Variants in NKIRAS1 observed in about 807,000 individuals in gnomAD.
NKIRAS1 encodes the protein NFKB inhibitor interacting Ras like 1, also known as NF-kappa-B inhibitor-interacting Ras-like protein 1.
In NKIRAS1, 16 loss-of-function variants were observed where a neutral mutation model predicts 19.8. The observed-to-expected ratio is 0.81, with a 90% CI of 0.55 to 1.23. The LOEUF is 1.23. NKIRAS1 is among the 50% of genes most tolerant of loss of function. NKIRAS1 has a pLI of 0.00. For missense variants in NKIRAS1, 184 were observed against 220.0 expected (o/e 0.84, Z 1.04); for synonymous variants, 88 against 79.0 (o/e 1.11, Z -0.61).
intron 1 of NKIRAS1, chr3:23,923,329 TCCTG>T (rs1304883063): frequency 6.6e-6 from 1 of 151,922 alleles, no homozygotes; most frequent in East Asian, 1.9e-4. Flanking sequence ...CAAGCGATTC[TCCTG>T]CCTCAGCCTC....
chr3:23,911,247 A>T (rs1703679467), intron 2 of NKIRAS1, 82 bp downstream of exon 2: 1 of 202,660 alleles, frequency 4.9e-6, no homozygotes, highest in Admixed American at 5.4e-5. Flanking sequence ...TGAGGTCAAG[A>T]GTTCGGCACC....
rs941284785 is a variant in NKIRAS1, at chr3:23,927,682, C to T, written c.-139-16232G>A. Among the ~76,000 whole-genome samples, 7 of 152,158 alleles carry T rather than the reference C, an allele frequency of 4.6e-5. No individual in the cohort carries two copies. Among genetic ancestry groups the T allele is most frequent in the Non-Finnish European group, 8.8e-5 (6 of 68,038 alleles). ...GATGTAATTATCAGTCATCAAATCA[C>T]GAAACTTGTTTCTATGAGAGTGTAA... On this transcript the variant is annotated intron_variant, in intron 1 of 4. Coordinates refer to the NKIRAS1 transcript ENST00000421515. This position sits in a 1 kb window ranked among gnomAD's most constrained non-coding sequence, Gnocchi z 4.0.
intron 3 of NKIRAS1, among the ~76,000 whole-genome samples, chr3:23,908,004 A>C (rs1703240512): frequency 6.6e-6 from 1 of 152,242 alleles, no homozygotes; most frequent in African/African-American, 2.4e-5. Context: ...CATTTCAAGG[A>C]AAGTAACTAT....
At chr3:23,929,314 A>G (rs1559515436) in intron 1 of NKIRAS1, among the ~76,000 whole-genome samples, 1 of 152,134 alleles carries the variant, frequency 6.6e-6, no homozygotes, top group African/African-American at 2.4e-5. Flanking sequence ...CAGTGAGCCG[A>G]GATTACACCA....
intron 1 of NKIRAS1, among the ~76,000 whole-genome samples, chr3:23,928,127 C>T (rs889248378): frequency 1.5e-5 from 2 of 132,606 alleles, no homozygotes; most frequent in African/African-American, 2.8e-5. Context: ...CACACACACA[C>T]ATACACACAC....
intron 1 of NKIRAS1, chr3:23,945,462 G>A (rs1233734775): frequency 4.6e-5 from 23 of 501,270 alleles, no homozygotes; most frequent in South Asian, 1.7e-4. Flanking sequence ...CTGCCCATGA[G>A]GGGGCCCCGC....
upstream of NKIRAS1, chr3:23,919,909 G>C (rs2125257206): frequency 1.0e-6 from 1 of 991,636 alleles, no homozygotes; most frequent in Non-Finnish European, 1.2e-6. Context: ...TAGTTTGGCA[G>C]GTGTAGACTT....
intron 3 of NKIRAS1, among the ~76,000 whole-genome samples, chr3:23,909,126 T>A (rs150082760): frequency 1.6e-3 from 247 of 152,328 alleles, no homozygotes; most frequent in African/African-American, 5.5e-3. Context: ...ACTACTGACA[T>A]AGGTATTATA....
chr3:23,909,399 C>T (rs1221752354), intron 3 of NKIRAS1, among the ~76,000 whole-genome samples: 2 of 152,132 alleles, frequency 1.3e-5, no homozygotes, highest in African/African-American at 2.4e-5. Context: ...TGGTAGCACG[C>T]ACCCATAGTC....
chr3:23,892,415 A>G lies in NKIRAS1; in HGVS notation c.*680T>C, dbSNP rs1701535850. 6.6e-6 allele frequency: 1 copy of G among 152,214 alleles called. No homozygotes were observed. The highest frequency in any genetic ancestry group is 2.4e-5 in the African/African-American group (1 of 41,456). The allele number at this position is 152,214 out of a possible 1,614,324, so 9.4% of individuals were successfully genotyped here. A position where few individuals can be genotyped will look rare whatever the true frequency, so the allele number is the denominator to read the frequency against. On this transcript the variant is annotated 3_prime_UTR_variant, in exon 5 of 5. Transcript: ENST00000425478. ...ATCATTTTCAAGAGGAGGAGCAAAC[A>G]GTTTGCCCTCAAGTATCTGGTCTAT...
chr3:23,936,750 G>T (rs1705400957), intron 1 of NKIRAS1, among the ~76,000 whole-genome samples: 1 of 152,160 alleles, frequency 6.6e-6, no homozygotes, highest in African/African-American at 2.4e-5. Context: ...AGTTCACTGT[G>T]TTAGCCAGGA....
At chr3:23,909,292 CG>C (rs1005179195) in intron 3 of NKIRAS1, among the ~76,000 whole-genome samples, 1 of 151,998 alleles carries the variant, frequency 6.6e-6, no homozygotes, top group African/African-American at 2.4e-5. Context: ...GAGGCCGAGG[CG>C]GGGGGATCAC....
intron 1 of NKIRAS1, chr3:23,945,475 C>A: frequency 3.0e-6 from 2 of 666,542 alleles, no homozygotes; most frequent in Non-Finnish European, 3.8e-6. Flanking sequence ...GGCCCCGCGA[C>A]CACCGCTGCT....
rs1221219507 is a variant in NKIRAS1, at chr3:23,892,502, C to T, written c.*593G>A. On this transcript the variant is annotated 3_prime_UTR_variant, in exon 5 of 5. Coordinates refer to ENST00000425478, the MANE Select transcript of NKIRAS1 (RefSeq NM_020345.4). The stretch of plus-strand genomic sequence containing the variant: ...GCGTGATGAACCTACTTAACACTAC[C>T]TGGTACCTCAACTCATGCTAAACAT... 1 of 152,194 alleles carries T rather than the reference C, an allele frequency of 6.6e-6. No individual in the cohort carries two copies. Among genetic ancestry groups the T allele is most frequent in the East Asian group, 1.9e-4 (1 of 5,200 alleles). 9.4% of individuals were successfully genotyped at this position (152,194 alleles called of 1,614,324 possible). A position where few individuals can be genotyped will look rare whatever the true frequency, so the allele number is the denominator to read the frequency against.
chr3:23,918,148 A>C, upstream of NKIRAS1: 1 of 1,308,968 alleles, frequency 7.6e-7, no homozygotes, highest in Non-Finnish European at 1.0e-6. Flanking sequence ...CTTTGGCAGA[A>C]AAAAGCTAGC....
intron 1 of NKIRAS1, among the ~76,000 whole-genome samples, chr3:23,911,923 C>T (rs1476214949): frequency 5.9e-5 from 9 of 151,916 alleles, no homozygotes; most frequent in Non-Finnish European, 8.8e-5. Context: ...CCACCATGCC[C>T]GGTGAAATTT....
intron 1 of NKIRAS1, among the ~76,000 whole-genome samples, chr3:23,945,798 C>T (rs1297474339): frequency 1.3e-5 from 2 of 150,468 alleles, no homozygotes; most frequent in Non-Finnish European, 3.0e-5. Context: ...TGCAAAGCCG[C>T]AGCGCGGCCT....
intron 2 of NKIRAS1, 110 bp from the exon 3 acceptor site, chr3:23,911,031 A>G: frequency 1.3e-6 from 1 of 783,542 alleles, no homozygotes; most frequent in Non-Finnish European, 2.1e-6. Flanking sequence ...GGAAATTTTC[A>G]AATACAGAAA....
At chr3:23,925,860 A>G (rs1352669330) in intron 1 of NKIRAS1, among the ~76,000 whole-genome samples, 4 of 152,206 alleles carry the variant, frequency 2.6e-5, no homozygotes, top group Non-Finnish European at 5.9e-5. Context: ...ATGCTTTTCA[A>G]TATGATAGCC....
Sources: allele counts gnomAD v4.1 joint callset (sites outside exome capture counted in the v4.1 genomes callset), GRCh38; gene constraint gnomAD v4.1.1; non-coding constraint Gnocchi (gnomAD v3.1); transcripts MANE v1.5; gene names NCBI Gene and HGNC (gene_info 2026-07-23, HGNC 2026-07-21).